The following USP4 variants were observed in gnomAD, a reference collection of about 807,000 sequenced individuals.
USP4 encodes the protein ubiquitin carboxyl-terminal hydrolase 4.
USP4 carries 72 observed loss-of-function variants against 118.2 expected under a neutral mutation model. The ratio of observed to expected loss-of-function variants is 0.61; its 90% CI spans 0.50 to 0.74. The LOEUF (loss-of-function observed/expected upper bound fraction) is 0.74. Ranked by LOEUF, USP4 falls within the 30% of genes least tolerant of loss-of-function variation. USP4 has a pLI of 0.00. For missense variants in USP4, 1,037 were observed against 1,185.7 expected, an observed-to-expected ratio of 0.87 and a Z score of 1.84; for synonymous variants, 415 against 440.4, an observed-to-expected ratio of 0.94 and a Z score of 0.72.
At chr3:49,316,675 T>C (rs2047439617) in intron 6 of USP4, 1 of 192,584 alleles carries the variant, frequency 5.2e-6, no homozygotes, top group Non-Finnish European at 1.1e-5. Context: ...AGATAATCTT[T>C]ATTGACAGTC....
chr3:49,316,698 G>A, intron 6 of USP4: 1 of 258,032 alleles, frequency 3.9e-6, no homozygotes, highest in Non-Finnish European at 7.4e-6. Context: ...AGGCCACAGG[G>A]GTGAGCCCTG....
rs760977869 is a variant in USP4 at position 49,335,490 on chromosome 3, C to A, written c.208G>T (p.Asp70Tyr). 44 of 1,614,090 alleles carry A rather than the reference C, an allele frequency of 2.7e-5. No homozygotes were observed. The highest frequency in any genetic ancestry group is 3.2e-5 in the Non-Finnish European group (38 of 1,180,056). ...GEHNLFPGPI[D>Y]NSGLFSDPES... Reference sequence around the variant, plus strand: ...ATACCTGAAAATAGCCCAGAGTTGTCTATTGGGCCAGGAAATAGGTTATGT... The same window carrying A: ...ATACCTGAAAATAGCCCAGAGTTGTATATTGGGCCAGGAAATAGGTTATGT... The change falls in exon 2 of 22, where the codon GAC becomes TAC. Residue 70 changes from aspartate to tyrosine, a missense_variant. Around this residue, in one of 3 missense-constraint regions of USP4, gnomAD observed 487 missense variants for 534.1 expected, o/e 0.91. Coordinates refer to ENST00000265560, the MANE Select transcript of USP4 (RefSeq NM_003363.4).
rs768755883 is a variant in USP4, at chr3:49,278,256, A to C, written c.*37T>G. 1 of 1,603,038 alleles carries C rather than the reference A, an allele frequency of 6.2e-7. No homozygotes were observed. The highest frequency in any genetic ancestry group is 8.5e-7 in the Non-Finnish European group (1 of 1,175,470). ...CAAAGATGTTCTCCTGGGGGATTAC[A>C]CTGGCGCTACAGGGTGGCAGGATCG... On this transcript the variant is annotated 3_prime_UTR_variant, in exon 22 of 22. Transcript: ENST00000265560.
At chr3:49,286,449 T>A (rs1461532637) in intron 15 of USP4, 124 bp from the exon 16 acceptor site, 3 of 961,734 alleles carry the variant, frequency 3.1e-6, no homozygotes, top group Non-Finnish European at 1.5e-6. Flanking sequence ...AAGTTAAATC[T>A]ATTCCTTTGC....
chr3:49,301,632 G>A (rs2047264308), intron 10 of USP4, among the ~76,000 whole-genome samples: 1 of 151,986 alleles, frequency 6.6e-6, no homozygotes, highest in South Asian at 2.1e-4. Context: ...AGGTTGCAGT[G>A]AGCCAAGATC....
intron 6 of USP4, among the ~76,000 whole-genome samples, chr3:49,319,598 C>A (rs2047478180): frequency 1.8e-5 from 1 of 54,956 alleles, no homozygotes; most frequent in African/African-American, 7.1e-5. Flanking sequence ...TATTACTAAA[C>A]ATGTTTGTTT....
At chr3:49,286,392 A>C in intron 15 of USP4, 67 bp from the exon 16 acceptor site, 1 of 1,449,222 alleles carries the variant, frequency 6.9e-7, no homozygotes, top group East Asian at 2.4e-5. Flanking sequence ...AATTTTATTT[A>C]ATACATAACT....
chr3:49,283,793 C>A (rs1025356590), intron 19 of USP4, among the ~76,000 whole-genome samples, 194 bp downstream of exon 19: 1 of 152,318 alleles, frequency 6.6e-6, no homozygotes, highest in African/African-American at 2.4e-5. Context: ...AATGCTTCCA[C>A]TGGAGAGTCT....
chr3:49,337,522 T>C (rs994215200), intron 1 of USP4, among the ~76,000 whole-genome samples: 1 of 152,114 alleles, frequency 6.6e-6, no homozygotes, highest in Non-Finnish European at 1.5e-5. Context: ...CTCAAACTCC[T>C]GGGCTCAAGT....
intron 4 of USP4, 32 bp downstream of exon 4, chr3:49,325,687 C>T (rs751232195): frequency 6.2e-7 from 1 of 1,610,692 alleles, no homozygotes; most frequent in South Asian, 1.1e-5. Context: ...ACTCTCTCAC[C>T]ACATACCAGG....
intron 2 of USP4, among the ~76,000 whole-genome samples, chr3:49,331,363 G>A (rs1007526017): frequency 6.6e-6 from 1 of 150,898 alleles, no homozygotes; most frequent in Non-Finnish European, 1.5e-5. Context: ...GCTCATGCCT[G>A]TAATCCCAGC....
At chr3:49,327,934 A>C in intron 2 of USP4, 118 bp from the exon 3 acceptor site, 1 of 976,084 alleles carries the variant, frequency 1.0e-6, no homozygotes, top group Non-Finnish European at 1.5e-6. Context: ...AACAGGAATG[A>C]AATTCCAAAA....
chr3:49,278,384 C>G lies in USP4; in HGVS notation c.2801G>C (p.Ser934Thr), dbSNP rs2046983774. The stretch of plus-strand genomic sequence containing the variant: ...CCCTCCATCAGAGGAACCAGAACTG[C>G]TAAGTGAAGGTGTCTTATAAAATTC... ...DDEFYKTPSLSSSGSSDGGTR... is the reference protein window; with the variant it reads ...DDEFYKTPSLTSSGSSDGGTR... Residue 934 changes from serine to threonine, a missense_variant, in exon 22 of 22, where the codon AGC (serine) becomes ACC (threonine). By Grantham distance (58) the Ser-to-Thr change is moderately conservative. This residue lies in a region of USP4 where 522 missense variants were observed against 592.6 expected (regional missense o/e 0.88). Coordinates refer to ENST00000265560, the MANE Select transcript of USP4 (RefSeq NM_003363.4). The G allele has an allele frequency of 6.2e-7, 1 of 1,614,110 alleles. No individual in the cohort carries two copies. The highest frequency in any genetic ancestry group is 1.3e-5 in the African/African-American group (1 of 75,006).
chr3:49,308,310 A>T (rs112120939), intron 8 of USP4, among the ~76,000 whole-genome samples: 1 of 152,026 alleles, frequency 6.6e-6, no homozygotes, highest in Non-Finnish European at 1.5e-5. Flanking sequence ...TGAGTCAATC[A>T]TATTTATACT....
At chr3:49,339,362 A>T (rs1343999526) in intron 1 of USP4, among the ~76,000 whole-genome samples, 4 of 152,136 alleles carry the variant, frequency 2.6e-5, no homozygotes, top group Admixed American at 1.3e-4. Flanking sequence ...TCCAGGACCT[A>T]GGCTATCCTC....
At chr3:49,280,622 T>C in intron 20 of USP4, 122 bp downstream of exon 20, 1 of 620,884 alleles carries the variant, frequency 1.6e-6, no homozygotes, top group South Asian at 2.4e-5. Context: ...GAAGAAAGCG[T>C]GCAGCATGAA....
At chr3:49,281,714 C>CAAA (rs35039639) in intron 19 of USP4, among the ~76,000 whole-genome samples, 2 of 73,742 alleles carry the variant, frequency 2.7e-5, no homozygotes, top group African/African-American at 4.8e-5. Context: ...AACTCCGTCT[C>CAAA]AAAAAAAAAA....
rs750210069 is a variant in USP4, at chr3:49,310,713, A to G, written c.861T>C (p.Tyr287=). 3.1e-6 allele frequency: 5 copies of G among 1,614,062 alleles called. No individual in the cohort carries two copies. In the East Asian group the frequency reaches 1.1e-4, roughly 36 times the overall value. Residue 287 remains tyrosine, a synonymous_variant, in exon 8 of 22, where the codon TAT becomes TAC. Transcript: ENST00000265560. Reference sequence around the variant, plus strand: ...GAGAGGATGGTGGCTCCTGACAATTATACGAAGCAGAAAAGCCAGATCCAC... The same window carrying G: ...GAGAGGATGGTGGCTCCTGACAATTGTACGAAGCAGAAAAGCCAGATCCAC... ...SRGGSGFSAS[Y]NCQEPPSSHI...
intron 2 of USP4, among the ~76,000 whole-genome samples, chr3:49,330,756 A>G (rs1342025895): frequency 1.4e-5 from 2 of 141,754 alleles, no homozygotes; most frequent in Non-Finnish European, 3.1e-5. Context: ...CCCACCTGTA[A>G]TCCCAGCACT....
Sources: allele counts gnomAD v4.1 joint callset (sites outside exome capture counted in the v4.1 genomes callset), GRCh38; gene constraint gnomAD v4.1.1; regional missense constraint gnomAD v4.1.1; transcripts MANE v1.5; gene names NCBI Gene and HGNC (gene_info 2026-07-23, HGNC 2026-07-21).